Variants in NEDD4L observed in about 807,000 individuals in gnomAD.
The protein encoded by NEDD4L is NEDD4 like E3 ubiquitin protein ligase.
Under a neutral mutation model 148.9 loss-of-function variants are expected in NEDD4L, and 54 were observed. That is an observed-to-expected ratio of 0.36 (90% CI 0.29 to 0.45). The LOEUF (loss-of-function observed/expected upper bound fraction) is 0.45. Ranked by LOEUF, NEDD4L falls within the 20% of genes least tolerant of loss-of-function variation. NEDD4L has a pLI of 1.00. For missense variants in NEDD4L, 856 were observed against 1,233.8 expected, an observed-to-expected ratio of 0.69 and a Z score of 4.59; for synonymous variants, 433 against 440.7, an observed-to-expected ratio of 0.98 and a Z score of 0.22.
intron 1 of NEDD4L, among the ~76,000 whole-genome samples, chr18:58,143,000 G>T (rs2033717646): frequency 6.6e-6 from 1 of 152,208 alleles, no homozygotes. Flanking sequence ...TGTCCCACCT[G>T]TGGGGAAGAG....
At chr18:58,121,270 C>G (rs1031988162) in intron 1 of NEDD4L, among the ~76,000 whole-genome samples, 1 of 152,066 alleles carries the variant, frequency 6.6e-6, no homozygotes, top group South Asian at 2.1e-4. Context: ...ACTTTGGCCC[C>G]TGTTGGAGCA....
chr18:58,303,207 T>C (rs1253900243), intron 5 of NEDD4L, among the ~76,000 whole-genome samples: 1 of 152,158 alleles, frequency 6.6e-6, no homozygotes, highest in African/African-American at 2.4e-5. Flanking sequence ...TGAATGGAAC[T>C]TTTCTCTCCC....
intron 19 of NEDD4L, among the ~76,000 whole-genome samples, chr18:58,361,583 G>C (rs1225210752): frequency 6.6e-6 from 1 of 152,184 alleles, no homozygotes; most frequent in African/African-American, 2.4e-5. Context: ...GTCAGAATCA[G>C]GACCGGAGCC....
intron 1 of NEDD4L, among the ~76,000 whole-genome samples, chr18:58,070,278 T>TA (rs2082799873): frequency 6.6e-6 from 1 of 151,720 alleles, no homozygotes; most frequent in African/African-American, 2.4e-5. Context: ...TTTATTTATT[T>TA]TTTTGAGACA....
intron 1 of NEDD4L, among the ~76,000 whole-genome samples, chr18:58,067,855 C>T (rs989396383): frequency 3.9e-5 from 6 of 152,108 alleles, no homozygotes; most frequent in Admixed American, 1.3e-4. Flanking sequence ...CTGGTGGCAG[C>T]GGGGAATGCA....
At chr18:58,177,162 C>T (rs971168265) in intron 2 of NEDD4L, among the ~76,000 whole-genome samples, 12 of 152,216 alleles carry the variant, frequency 7.9e-5, no homozygotes, top group Non-Finnish European at 1.6e-4. Flanking sequence ...CTTTATCTTC[C>T]GCTGTCTTTG....
At chr18:58,158,886 C>A (rs965921306) in intron 1 of NEDD4L, among the ~76,000 whole-genome samples, 1 of 152,288 alleles carries the variant, frequency 6.6e-6, no homozygotes, top group South Asian at 2.1e-4. Flanking sequence ...TGTGCACACA[C>A]CTTGCCTCTG....
At chr18:58,060,412 C>A (rs1354986553) in intron 1 of NEDD4L, among the ~76,000 whole-genome samples, 1 of 152,120 alleles carries the variant, frequency 6.6e-6, no homozygotes, top group African/African-American at 2.4e-5. Context: ...TTGGGCCCGG[C>A]AATCTGGGCT....
At chr18:58,266,741 A>G (rs571672168) in intron 5 of NEDD4L, among the ~76,000 whole-genome samples, 1 of 152,292 alleles carries the variant, frequency 6.6e-6, no homozygotes, top group South Asian at 2.1e-4. Context: ...TGGTGGCAGT[A>G]TTCATGGATG....
chr18:58,085,736 C>T (rs1232840186), intron 1 of NEDD4L, among the ~76,000 whole-genome samples: 4 of 152,212 alleles, frequency 2.6e-5, no homozygotes, highest in African/African-American at 9.6e-5. Flanking sequence ...AAACAGCTTT[C>T]ATAGCTCACT....
intron 6 of NEDD4L, among the ~76,000 whole-genome samples, chr18:58,316,509 C>T (rs914881143): frequency 2.0e-5 from 3 of 152,230 alleles, no homozygotes; most frequent in South Asian, 2.1e-4. Context: ...CTTTCTCAGT[C>T]AGCATGGTGA....
At chr18:58,313,324 T>G (rs11662225) in intron 5 of NEDD4L, among the ~76,000 whole-genome samples, 14,168 of 152,240 alleles carry the variant, frequency 0.093, 710 homozygotes, top group Middle Eastern at 0.15. Context: ...GTTTCCTGGC[T>G]TTTGCAGTAC....
chr18:58,324,508 C>G (rs898321031), intron 8 of NEDD4L, among the ~76,000 whole-genome samples: 2 of 152,180 alleles, frequency 1.3e-5, no homozygotes. Context: ...GGCCTCTGGT[C>G]CCCTGTGCCA....
At chr18:58,376,285 C>T (rs1369947609) in intron 24 of NEDD4L, among the ~76,000 whole-genome samples, 1 of 150,682 alleles carries the variant, frequency 6.6e-6, no homozygotes, top group Non-Finnish European at 1.5e-5. Context: ...AGTTCTCAGA[C>T]CTCCTCGTTT....
rs76863091 is a variant in NEDD4L, at chr18:58,381,047, T to C, written c.2353-2199T>C. 9.0e-3 allele frequency among the ~76,000 whole-genome samples: 1,377 copies of C among 152,304 alleles called. 12 individuals carry two copies. The highest frequency in any genetic ancestry group is 0.012 in the Non-Finnish European group (792 of 68,026). ...ATAATTCTGTATAACCCTGGAATAC[T>C]CACATATATACATAATATATATAGC... On this transcript the variant is annotated intron_variant, in intron 24 of 30. Transcript: ENST00000400345.
intron 1 of NEDD4L, among the ~76,000 whole-genome samples, chr18:58,159,751 G>A (rs940588784): frequency 2.0e-5 from 3 of 152,214 alleles, no homozygotes; most frequent in Non-Finnish European, 2.9e-5. Context: ...TCCAAAAAAC[G>A]TTGGTCATCT....
chr18:58,270,162 G>C (rs919476867), intron 5 of NEDD4L, among the ~76,000 whole-genome samples: 4 of 152,130 alleles, frequency 2.6e-5, no homozygotes, highest in Non-Finnish European at 5.9e-5. Flanking sequence ...CATTTTTGTG[G>C]CTTTTGATAA....
chr18:58,085,048 T>G (rs755568673), intron 1 of NEDD4L, among the ~76,000 whole-genome samples: 1 of 152,120 alleles, frequency 6.6e-6, no homozygotes, highest in Non-Finnish European at 1.5e-5. Flanking sequence ...GTGTCCACAT[T>G]TCCTCATCAG....
At chr18:58,102,353 T>C (rs1302877811) in intron 1 of NEDD4L, among the ~76,000 whole-genome samples, 3 of 152,196 alleles carry the variant, frequency 2.0e-5, no homozygotes, top group African/African-American at 7.2e-5. Context: ...TTCCTGAAAC[T>C]TGTTATGCTG....
Sources: allele counts gnomAD v4.1 joint callset (sites outside exome capture counted in the v4.1 genomes callset), GRCh38; gene constraint gnomAD v4.1.1; transcripts MANE v1.5; gene names NCBI Gene and HGNC (gene_info 2026-07-23, HGNC 2026-07-21).